CDH8: variants seen among roughly 807,000 people sequenced by gnomAD.
The protein encoded by CDH8 is cadherin 8.
A neutral mutation model predicts 68.1 loss-of-function variants in CDH8; 17 were observed. The observed-to-expected ratio is 0.25, with a 90% CI of 0.17 to 0.37. The LOEUF is 0.37. Among genes scored for constraint, CDH8 ranks in the 10% least tolerant of loss-of-function variants. The pLI, the probability that CDH8 is intolerant of heterozygous loss-of-function variation, is 1.00. For synonymous variants in CDH8, 372 were observed against 365.1 expected (o/e 1.02, Z -0.21); for missense variants, 763 against 999.3 (o/e 0.76, Z 3.19).
chr16:61,875,143 C>G (rs926628230), intron 3 of CDH8, among the ~76,000 whole-genome samples: 1 of 152,164 alleles, frequency 6.6e-6, no homozygotes, highest in African/African-American at 2.4e-5. Flanking sequence ...CAGAATATAT[C>G]ATGCAGCTTC....
chr16:61,671,570 A>C (rs890923300), intron 10 of CDH8, among the ~76,000 whole-genome samples: 9 of 152,104 alleles, frequency 5.9e-5, no homozygotes, highest in African/African-American at 2.2e-4. Flanking sequence ...TGATATTAAA[A>C]CAGCCTGTCT....
At chr16:61,673,188 C>G (rs77175790) in intron 10 of CDH8, among the ~76,000 whole-genome samples, 5,045 of 152,144 alleles carry the variant, frequency 0.033, 98 homozygotes, top group South Asian at 0.049. Context: ...TAATGTGTAG[C>G]CCTTTTAGCC....
intron 4 of CDH8, among the ~76,000 whole-genome samples, chr16:61,844,491 G>A (rs568252242): frequency 3.3e-5 from 5 of 152,062 alleles, no homozygotes; most frequent in African/African-American, 9.7e-5. Flanking sequence ...TTCCTTCAGC[G>A]AATTTTTCAG....
intron 3 of CDH8, among the ~76,000 whole-genome samples, chr16:61,881,601 A>C (rs1384504503): frequency 6.6e-6 from 1 of 152,226 alleles, no homozygotes; most frequent in African/African-American, 2.4e-5. Context: ...GACTAAGGTA[A>C]ATCAGGATAA....
At chr16:61,891,298 G>A (rs1053688791) in intron 3 of CDH8, among the ~76,000 whole-genome samples, 10 of 151,998 alleles carry the variant, frequency 6.6e-5, no homozygotes, top group Admixed American at 2.6e-4. Context: ...AACAAAATCC[G>A]ATGAAGGAGC....
In CDH8 at chr16:61,851,947, C is replaced by A. The variant is rs143618911; in HGVS notation, c.667+5172G>T. 1.4e-4 allele frequency among the ~76,000 whole-genome samples: 22 copies of A among 152,126 alleles called. No homozygotes were observed. In the East Asian group the frequency reaches 3.7e-3, roughly 26 times the overall value. ...TCAAAAATTGAGGTATGGGATCAGG[C>A]AGATTCACCTTGAATCCTGCTTCAA... is the stretch of plus-strand genomic sequence containing the variant. On this transcript the variant is annotated intron_variant, in intron 4 of 11. Transcript: ENST00000577390.
chr16:61,945,437 T>TAA (rs59806534), intron 2 of CDH8, among the ~76,000 whole-genome samples: 10,314 of 120,256 alleles, frequency 0.086, 611 homozygotes, highest in East Asian at 0.24. Flanking sequence ...GATGCATGAT[T>TAA]AAAAAAAAAA....
chr16:61,741,209 C>T (rs923937133), intron 8 of CDH8, among the ~76,000 whole-genome samples: 1 of 152,088 alleles, frequency 6.6e-6, no homozygotes, highest in Non-Finnish European at 1.5e-5. Context: ...TTGTGAAATA[C>T]CTGTTCAAAT....
chr16:61,652,757 A>T lies in CDH8; in HGVS notation c.*851T>A. On this transcript the variant is annotated 3_prime_UTR_variant, in exon 12 of 12. Transcript: ENST00000577390. ...AAAAGCATTAATGGACATCAATAAA[A>T]TATTTATTTCGAGGATTAAACAAAT... 7 of 1,323,802 alleles carry T rather than the reference A, an allele frequency of 5.3e-6. No homozygotes were observed. The highest frequency in any genetic ancestry group is 6.7e-6 in the Non-Finnish European group (7 of 1,037,310). 82.0% of individuals were successfully genotyped at this position (1,323,802 alleles called of 1,614,324 possible).
chr16:61,861,923 TAACA>T (rs1251737712), intron 3 of CDH8, among the ~76,000 whole-genome samples: 1 of 152,166 alleles, frequency 6.6e-6, no homozygotes. Context: ...CAGGTAAAAC[TAACA>T]AACTAATCTT....
intron 2 of CDH8, among the ~76,000 whole-genome samples, chr16:62,018,084 T>G (rs1901985299): frequency 6.6e-6 from 1 of 152,186 alleles, no homozygotes; most frequent in African/African-American, 2.4e-5. Flanking sequence ...TCTTACAAAT[T>G]CTTATTTATC....
intron 10 of CDH8, among the ~76,000 whole-genome samples, chr16:61,697,798 G>T (rs1964355826): frequency 6.6e-6 from 1 of 152,188 alleles, no homozygotes; most frequent in Non-Finnish European, 1.5e-5. Context: ...GCCCCTTCTG[G>T]GGAGTTTTTT....
intron 8 of CDH8, among the ~76,000 whole-genome samples, chr16:61,776,375 C>T (rs1289948873): frequency 1.3e-5 from 2 of 152,058 alleles, no homozygotes; most frequent in Admixed American, 6.6e-5. Context: ...TCTACTATAA[C>T]TCAACAGCTT....
intron 2 of CDH8, among the ~76,000 whole-genome samples, chr16:61,959,673 C>T (rs769109411): frequency 2.0e-5 from 3 of 150,882 alleles, no homozygotes; most frequent in African/African-American, 2.4e-5. Context: ...GTTTATTACA[C>T]CTCAACAAAT....
In CDH8 at chr16:61,776,691, A is replaced by G. The variant is rs138869633; in HGVS notation, c.1414+12655T>C. On this transcript the variant is annotated intron_variant, in intron 8 of 11. Coordinates refer to ENST00000577390, the MANE Select transcript of CDH8 (RefSeq NM_001796.5). ...GGCAAATTCTTTTTAATTATACAATAATGATAGAATTGAGTTTATATTATG... is the reference window on the plus strand; with the variant it reads ...GGCAAATTCTTTTTAATTATACAATGATGATAGAATTGAGTTTATATTATG... 1.0e-3 allele frequency among the ~76,000 whole-genome samples: 152 copies of G among 152,278 alleles called. 1 individual carries two copies. Among genetic ancestry groups the G allele is most frequent in the African/African-American group, 3.6e-3 (150 of 41,572 alleles).
intron 3 of CDH8, 171 bp downstream of exon 3, chr16:61,901,008 G>T: frequency 1.7e-6 from 1 of 593,642 alleles, no homozygotes; most frequent in Non-Finnish European, 3.0e-6. Context: ...TGTTACTAAG[G>T]GACTAAAGCT....
At chr16:61,756,550 A>G (rs117570100) in intron 8 of CDH8, among the ~76,000 whole-genome samples, 2,322 of 152,306 alleles carry the variant, frequency 0.015, 31 homozygotes, top group Middle Eastern at 0.037. Context: ...TTGTAATTAC[A>G]TACATAATAC....
intron 3 of CDH8, among the ~76,000 whole-genome samples, chr16:61,865,631 A>G (rs1001342239): frequency 6.6e-6 from 1 of 152,192 alleles, no homozygotes; most frequent in African/African-American, 2.4e-5. Context: ...TGGTTGTGAA[A>G]ACTAATAAGC....
intron 9 of CDH8, among the ~76,000 whole-genome samples, chr16:61,719,768 C>T (rs1959203215): frequency 6.6e-6 from 1 of 150,674 alleles, no homozygotes; most frequent in East Asian, 2.0e-4. Flanking sequence ...CCTCCCAGGG[C>T]AAGATTTTTC....
Sources: gnomAD v4.1 joint callset for allele counts (sites outside exome capture counted in the v4.1 genomes callset) on GRCh38, gnomAD v4.1.1 for gene constraint, MANE v1.5 for transcripts, NCBI Gene and HGNC (gene_info 2026-07-23, HGNC 2026-07-21) for gene names.